The following SNAPC1 variants were observed in gnomAD, a reference collection of about 807,000 sequenced individuals.
SNAPC1 encodes the protein small nuclear RNA activating complex polypeptide 1, also known as snRNA-activating protein complex subunit 1.
In SNAPC1, 42 loss-of-function variants were observed where a neutral mutation model predicts 50.1. That is an observed-to-expected ratio of 0.84 (90% CI 0.65 to 1.08). SNAPC1 has a LOEUF of 1.08. Among genes scored for constraint, SNAPC1 ranks in the 50% least tolerant of loss-of-function variants. The pLI is 0.00. For synonymous variants in SNAPC1, 164 were observed against 144.2 expected (o/e 1.14, Z -0.98); for missense variants, 477 against 427.3 (o/e 1.12, Z -1.02).
At chr14:61,787,493 G>GATT (rs1566593152) in intron 8 of SNAPC1, among the ~76,000 whole-genome samples, 3 of 152,034 alleles carry the variant, frequency 2.0e-5, no homozygotes, top group African/African-American at 7.2e-5. Context: ...TAGAATCACG[G>GATT]CAGATTCAGA....
chr14:61,790,538 T>C (rs368488027), intron 8 of SNAPC1, among the ~76,000 whole-genome samples: 4 of 152,200 alleles, frequency 2.6e-5, no homozygotes, highest in East Asian at 3.9e-4. Flanking sequence ...GTCTTAACCA[T>C]GTTGGCCAGG....
chr14:61,793,956 G>A lies in SNAPC1; in HGVS notation c.1073-993G>A, dbSNP rs138836342. ...CAGGTGGGAGCCACTGCACCCGGCCGGAATATTTCTTTTTGCCACATCTTT... is the reference window on the plus strand; with the variant it reads ...CAGGTGGGAGCCACTGCACCCGGCCAGAATATTTCTTTTTGCCACATCTTT... On this transcript the variant is annotated intron_variant, in intron 9 of 9. Coordinates refer to ENST00000216294, the MANE Select transcript of SNAPC1 (RefSeq NM_003082.4). Among the ~76,000 whole-genome samples, 38 of 151,948 alleles carry A rather than the reference G, an allele frequency of 2.5e-4. 1 individual carries two copies. Among genetic ancestry groups the A allele is most frequent in the African/African-American group, 8.2e-4 (34 of 41,476 alleles).
rs1198947569 is a variant in SNAPC1 at position 61,795,418 on chromosome 14, TTATTC to T, written c.*440_*444del. The T allele has an allele frequency of 2.0e-5, 3 of 152,554 alleles. No individual in the cohort carries two copies. The highest frequency in any genetic ancestry group is 4.4e-5 in the Non-Finnish European group (3 of 68,094). The allele number at this position is 152,554 out of a possible 1,614,324, so 9.5% of individuals were successfully genotyped here. ...ATAATGGATTTTTTATTTTGTATAT[TTATTC>T]TATTTTGTATATTGTTAAGTGCAAT... On this transcript the variant is annotated 3_prime_UTR_variant, in exon 10 of 10. Transcript: ENST00000216294.
At position 61,796,318 on chromosome 14, in the gene SNAPC1, CA is replaced by C. The variant is rs397740356; in HGVS notation, c.*1349del. On this transcript the variant is annotated 3_prime_UTR_variant, in exon 10 of 10. Coordinates refer to ENST00000216294, the MANE Select transcript of SNAPC1 (RefSeq NM_003082.4). ...TGGGCAACAGAGTGAGACTTCGTCT[CA>C]AAAAAAAAAAAAAGTTTGGGTTGAA... The C allele has an allele frequency of 1.4e-3, 182 of 127,836 alleles. No individual in the cohort carries two copies. The highest frequency in any genetic ancestry group is 4.2e-3 in the Middle Eastern group (1 of 236). 7.9% of individuals were successfully genotyped at this position (127,836 alleles called of 1,614,324 possible). A position where few individuals can be genotyped will look rare whatever the true frequency, so the allele number is the denominator to read the frequency against.
At chr14:61,791,136 C>A (rs529520422) in intron 8 of SNAPC1, among the ~76,000 whole-genome samples, 9 of 152,018 alleles carry the variant, frequency 5.9e-5, no homozygotes, top group African/African-American at 1.4e-4. Flanking sequence ...CTCAGTCTCC[C>A]GGGTAGCTGG....
At chr14:61,766,827 T>C (rs751754263) in intron 1 of SNAPC1, 49 bp from the exon 2 acceptor site, 1 of 1,232,890 alleles carries the variant, frequency 8.1e-7, no homozygotes, top group Non-Finnish European at 1.2e-6. Flanking sequence ...CTTTTGTTCA[T>C]TACTTATTCA....
At chr14:61,772,500 C>T (rs1270820769) in intron 4 of SNAPC1, among the ~76,000 whole-genome samples, 1 of 152,200 alleles carries the variant, frequency 6.6e-6, no homozygotes, top group Non-Finnish European at 1.5e-5. Flanking sequence ...ACCTTGGCCT[C>T]CCAAAGTGCT....
chr14:61,780,693 C>T (rs937404095), intron 7 of SNAPC1, among the ~76,000 whole-genome samples: 2 of 152,100 alleles, frequency 1.3e-5, no homozygotes, highest in Non-Finnish European at 2.9e-5. Flanking sequence ...AATTAGGTCT[C>T]ACTTTTCAAT....
At position 61,767,312 on chromosome 14, in the gene SNAPC1, G is replaced by A. The variant is rs779670803; in HGVS notation, c.389G>A (p.Arg130Gln). The A allele has an allele frequency of 1.2e-5, 18 of 1,518,680 alleles. No individual in the cohort carries two copies. The highest frequency in any genetic ancestry group is 1.7e-4 in the Middle Eastern group (1 of 5,744). 94.1% of individuals were successfully genotyped at this position (1,518,680 alleles called of 1,614,324 possible). A position where few individuals can be genotyped will look rare whatever the true frequency, so the allele number is the denominator to read the frequency against. Residue 130 changes from arginine (R) to glutamine (Q), a missense_variant, in exon 3 of 10, where the codon CGA becomes CAA. By Grantham distance (43) the Arg-to-Gln change is conservative (BLOSUM62 1). Coordinates refer to ENST00000216294, the MANE Select transcript of SNAPC1 (RefSeq NM_003082.4). ...GCAGCTTATATTTTTAGGAAGCTACGACTAGACAGAGCATTTCACTTTACA... is the reference window on the plus strand; with the variant it reads ...GCAGCTTATATTTTTAGGAAGCTACAACTAGACAGAGCATTTCACTTTACA... ...FDAAYIFRKL[R>Q]LDRAFHFTAM... is the part of the protein sequence containing the mutation.
rs1436531223 is a variant in SNAPC1 at position 61,795,576 on chromosome 14, A to G, written c.*593A>G. On this transcript the variant is annotated 3_prime_UTR_variant, in exon 10 of 10. Transcript: ENST00000216294. ...AAATATTCTTTAGTGCTTGTTTATT[A>G]TTACTAAATACTAATTAAGTACTAA... The G allele has an allele frequency of 6.6e-6, 1 of 152,268 alleles. No homozygotes were observed. The highest frequency in any genetic ancestry group is 1.5e-5 in the Non-Finnish European group (1 of 67,986). 9.4% of individuals were successfully genotyped at this position (152,268 alleles called of 1,614,324 possible). A position where few individuals can be genotyped will look rare whatever the true frequency, so the allele number is the denominator to read the frequency against.
Position 61,795,660 on chromosome 14 carries a change from A to C in SNAPC1, c.*677A>C, listed in dbSNP as rs1269850209. On this transcript the variant is annotated 3_prime_UTR_variant, in exon 10 of 10. Transcript: ENST00000216294. ...AGTACTTTCTAATAAAATCTTTAAC[A>C]ATAATAATGTAAATTTCAGAATGTG... is the stretch of plus-strand genomic sequence containing the variant. 2 of 152,062 alleles carry C rather than the reference A, an allele frequency of 1.3e-5. No homozygotes were observed. The highest frequency in any genetic ancestry group is 2.9e-5 in the Non-Finnish European group (2 of 67,998). 9.4% of individuals were successfully genotyped at this position (152,062 alleles called of 1,614,324 possible).
rs988597526 is a variant in SNAPC1, at chr14:61,778,284, C to G, written c.762+144C>G. 6 of 524,368 alleles carry G rather than the reference C, an allele frequency of 1.1e-5. No homozygotes were observed. In the African/African-American group the frequency reaches 1.2e-4, roughly 11 times the overall value. The allele number at this position is 524,368 out of a possible 1,614,324, so 32.5% of individuals were successfully genotyped here. A position where few individuals can be genotyped will look rare whatever the true frequency, so the allele number is the denominator to read the frequency against. The stretch of plus-strand genomic sequence containing the variant: ...AAGGTAGTTTGTTCTTTACTGGAAG[C>G]CTTGTGGAGGCCACATCAGGTGTAG... On this transcript the variant is annotated intron_variant, in intron 6 of 9. Transcript: ENST00000216294.
At chr14:61,782,158 A>G in intron 7 of SNAPC1, 89 bp from the exon 8 acceptor site, 4 of 1,019,532 alleles carry the variant, frequency 3.9e-6, no homozygotes, top group Non-Finnish European at 5.7e-6. Context: ...ATCTTTCCTC[A>G]TCTTTGATTG....
intron 6 of SNAPC1, 45 bp from the exon 7 acceptor site, chr14:61,778,803 T>C (rs766334718): frequency 5.3e-6 from 6 of 1,139,336 alleles, no homozygotes; most frequent in Non-Finnish European, 7.8e-6. Flanking sequence ...TTTCACCTAA[T>C]GTTTGTGTGT....
At chr14:61,763,520 A>G (rs1489954759) in intron 1 of SNAPC1, among the ~76,000 whole-genome samples, 1 of 124,504 alleles carries the variant, frequency 8.0e-6, no homozygotes, top group Non-Finnish European at 1.6e-5. Context: ...TGGGCCCTCT[A>G]CAGGCTTTTC....
chr14:61,776,853 G>A (rs1265337531), intron 5 of SNAPC1, among the ~76,000 whole-genome samples: 2 of 152,286 alleles, frequency 1.3e-5, no homozygotes, highest in Middle Eastern at 3.4e-3. Context: ...CATCAACACA[G>A]ATCTTCAACT....
At chr14:61,783,528 GTTTT>G (rs577941212) in intron 8 of SNAPC1, among the ~76,000 whole-genome samples, 4,374 of 109,902 alleles carry the variant, frequency 0.04, 90 homozygotes, top group East Asian at 0.18. Flanking sequence ...GTTTGGTTTG[GTTTT>G]TTTTTTTTTT....
chr14:61,762,432 G>T lies in SNAPC1; in HGVS notation c.-29G>T, dbSNP rs1450291140. On this transcript the variant is annotated 5_prime_UTR_variant, in exon 1 of 10. Transcript: ENST00000216294. ...TGGCTAGTCCGTTAGAGGCGTGCGG[G>T]CTTCGGAGGCGTGCGGGCTTCGGGT... The T allele has an allele frequency of 5.6e-6, 9 of 1,606,166 alleles. No individual in the cohort carries two copies. Among genetic ancestry groups the T allele is most frequent in the Non-Finnish European group, 7.6e-6 (9 of 1,177,690 alleles).
At chr14:61,772,348 G>A (rs144604521) in intron 4 of SNAPC1, among the ~76,000 whole-genome samples, 2 of 152,076 alleles carry the variant, frequency 1.3e-5, no homozygotes, top group Admixed American at 6.6e-5. Context: ...GGGTTCAAGC[G>A]ATTCTCCTGC....
Sources: allele counts gnomAD v4.1 joint callset (sites outside exome capture counted in the v4.1 genomes callset), GRCh38; gene constraint gnomAD v4.1.1; transcripts MANE v1.5; gene names NCBI Gene and HGNC (gene_info 2026-07-23, HGNC 2026-07-21).